ANKRD17: variants seen among roughly 807,000 people sequenced by gnomAD.
The protein encoded by ANKRD17 is ankyrin repeat domain 17, also known as ankyrin repeat domain-containing protein 17.
A neutral mutation model predicts 229.7 loss-of-function variants in ANKRD17; 19 were observed. That is an observed-to-expected ratio of 0.08 (90% confidence interval 0.06 to 0.12). The LOEUF (loss-of-function observed/expected upper bound fraction) is 0.12, where lower values mean the gene tolerates loss of function less well. ANKRD17 is among the 10% of genes least tolerant of loss of function. ANKRD17 has a pLI of 1.00. For missense variants in ANKRD17, 2,176 were observed against 3,176.8 expected (o/e 0.68, Z 7.57); for synonymous variants, 1,112 against 1,146.1 (o/e 0.97, Z 0.60).
intron 32 of ANKRD17, 82 bp downstream of exon 32, chr4:73,077,273 G>A: frequency 7.2e-7 from 1 of 1,390,464 alleles, no homozygotes; most frequent in Non-Finnish European, 9.6e-7. Flanking sequence ...TTTAACATTA[G>A]ATTATACATA....
At chr4:73,134,185 A>T (rs1445941820) in intron 16 of ANKRD17, among the ~76,000 whole-genome samples, 1 of 152,188 alleles carries the variant, frequency 6.6e-6, no homozygotes, top group Admixed American at 6.5e-5. Flanking sequence ...TATTTTTAAT[A>T]GGTTAAGAGT....
At chr4:73,124,837 GA>G in intron 18 of ANKRD17, 75 bp downstream of exon 18, 1 of 1,526,974 alleles carries the variant, frequency 6.5e-7, no homozygotes, top group Non-Finnish European at 8.9e-7. Context: ...TGTTCTGATA[GA>G]AAAAATAATA....
chr4:73,154,028 G>A lies in ANKRD17; in HGVS notation c.1086C>T (p.Asp362=), dbSNP rs199528687. Residue 362 remains aspartate, a synonymous_variant, in exon 6 of 34, where the codon GAC becomes GAT. Transcript: ENST00000358602. ...VLLESGASIE[D]HNENGHTPLM... ...GAGGGGTATGACCATTTTCATTATG[G>A]TCCTCAATACTAGCACCGGATTCCA... 8 of 1,612,810 alleles carry A rather than the reference G, an allele frequency of 5.0e-6. No homozygotes were observed. The highest frequency in any genetic ancestry group is 6.8e-6 in the Non-Finnish European group (8 of 1,179,526).
At chr4:73,082,527 G>C (rs1375162773) in intron 30 of ANKRD17, among the ~76,000 whole-genome samples, 2 of 152,046 alleles carry the variant, frequency 1.3e-5, no homozygotes, top group Non-Finnish European at 2.9e-5. Flanking sequence ...AGAACAAAAA[G>C]TGCTTCTACA....
Position 73,076,121 on chromosome 4 carries a change from C to A in ANKRD17, c.*110G>T. 1 of 880,282 alleles carries A rather than the reference C, an allele frequency of 1.1e-6. No individual in the cohort carries two copies. Among genetic ancestry groups the A allele is most frequent in the Non-Finnish European group, 1.7e-6 (1 of 604,034 alleles). The allele number at this position is 880,282 out of a possible 1,614,324, so 54.5% of individuals were successfully genotyped here. A position where few individuals can be genotyped will look rare whatever the true frequency, so the allele number is the denominator to read the frequency against. ...AGATCTTCTGCAAAAAGCCTACACACTTCAGTCAAGCACATCAGTAGAATG... is the reference window on the plus strand; with the variant it reads ...AGATCTTCTGCAAAAAGCCTACACAATTCAGTCAAGCACATCAGTAGAATG... On this transcript the variant is annotated 3_prime_UTR_variant, in exon 34 of 34. Coordinates refer to ENST00000358602, the MANE Select transcript of ANKRD17 (RefSeq NM_032217.5).
intron 2 of ANKRD17, chr4:73,168,922 T>A (rs1219298956): frequency 6.6e-6 from 1 of 152,174 alleles, no homozygotes; most frequent in African/African-American, 2.4e-5. Context: ...AACTTTTCAA[T>A]CCTCACCTTC....
intron 1 of ANKRD17, 137 bp from the exon 2 acceptor site, chr4:73,177,670 TA>T (rs34860063): frequency 3.3e-6 from 2 of 613,672 alleles, no homozygotes; most frequent in Non-Finnish European, 2.7e-6. Context: ...AGTGCAACCC[TA>T]AAAAGTTCAA....
chr4:73,127,272 C>G (rs986287790), intron 16 of ANKRD17, among the ~76,000 whole-genome samples: 1 of 151,996 alleles, frequency 6.6e-6, no homozygotes. Context: ...GTCTAACATG[C>G]CCAAGTTTTG....
At chr4:73,237,862 T>C (rs1164228244) in intron 1 of ANKRD17, among the ~76,000 whole-genome samples, 1 of 152,170 alleles carries the variant, frequency 6.6e-6, no homozygotes, top group African/African-American at 2.4e-5. Flanking sequence ...TTTAAGAACA[T>C]ATTCTACATA....
intron 15 of ANKRD17, 45 bp downstream of exon 15, chr4:73,139,486 T>G: frequency 1.3e-6 from 2 of 1,551,054 alleles, no homozygotes; most frequent in East Asian, 4.5e-5. Context: ...TTACTCGCCT[T>G]AAGCAAATCA....
At chr4:73,245,284 A>C (rs375878093) in intron 1 of ANKRD17, among the ~76,000 whole-genome samples, 15 of 152,344 alleles carry the variant, frequency 9.8e-5, no homozygotes, top group East Asian at 3.9e-4. Context: ...TCAATTATTC[A>C]GTCAAATGCT....
In ANKRD17 at chr4:73,090,840, G is replaced by A. The variant is rs1722725003; in HGVS notation, c.6788C>T (p.Thr2263Ile). ...TCCTCCCCAGAAGGCATGAGCAGAAGTAGGGCTGTTTTCAAACAATGTGCT... is the reference window on the plus strand; with the variant it reads ...TCCTCCCCAGAAGGCATGAGCAGAAATAGGGCTGTTTTCAAACAATGTGCT... ...PFSTLFENSPTSAHAFWGGSV... is the reference protein window; with the variant it reads ...PFSTLFENSPISAHAFWGGSV... Residue 2263 changes from threonine to isoleucine, a missense_variant, in exon 29 of 34, where the codon ACT becomes ATT. By Grantham distance (89) the Thr-to-Ile change is moderately conservative. Around this residue, in one of 18 missense-constraint regions of ANKRD17, gnomAD observed 424 missense variants for 454.0 expected, o/e 0.93. Transcript: ENST00000358602. 8 of 1,614,246 alleles carry A rather than the reference G, an allele frequency of 5.0e-6. No individual in the cohort carries two copies. Among genetic ancestry groups the A allele is most frequent in the Non-Finnish European group, 6.8e-6 (8 of 1,180,054 alleles).
At chr4:73,097,432 GC>G (rs1723430554) in intron 26 of ANKRD17, among the ~76,000 whole-genome samples, 160 bp from the exon 27 acceptor site, 1 of 139,270 alleles carries the variant, frequency 7.2e-6, no homozygotes, top group South Asian at 2.2e-4. Flanking sequence ...AATATAGAGA[GC>G]CTTTTTTTTT....
intron 14 of ANKRD17, 121 bp downstream of exon 14, chr4:73,141,620 G>A: frequency 2.3e-6 from 2 of 853,320 alleles, no homozygotes; most frequent in Non-Finnish European, 3.7e-6. Flanking sequence ...TTTTATCATG[G>A]GTTAAAAATT....
rs372015794 is a variant in ANKRD17 at position 73,097,984 on chromosome 4, T to C, written c.5021+89A>G. 180 of 1,263,792 alleles carry C rather than the reference T, an allele frequency of 1.4e-4. 1 individual carries two copies. The African/African-American group carries it at 2.4e-3, about 17-fold the overall frequency. 78.3% of individuals were successfully genotyped at this position (1,263,792 alleles called of 1,614,324 possible). On this transcript the variant is annotated intron_variant, in intron 26 of 33. Coordinates refer to ENST00000358602, the MANE Select transcript of ANKRD17 (RefSeq NM_032217.5). The stretch of plus-strand genomic sequence containing the variant: ...ACAAAGAAAAATCCTATTTTGCAAG[T>C]TGCAAATTTACTTTCTTTACCAACA...
chr4:73,115,983 C>A (rs1725891490), intron 22 of ANKRD17, 67 bp from the exon 23 acceptor site: 1 of 1,323,490 alleles, frequency 7.6e-7, no homozygotes, highest in Admixed American at 1.7e-5. Context: ...TATGCCTGAA[C>A]TAACTTTAAC....
At chr4:73,190,745 G>C (rs2149061692) in intron 1 of ANKRD17, among the ~76,000 whole-genome samples, 1 of 151,584 alleles carries the variant, frequency 6.6e-6, no homozygotes, top group East Asian at 1.9e-4. Flanking sequence ...CTACATACCA[G>C]CAATAACCCA....
At chr4:73,127,856 C>T (rs1727683658) in intron 16 of ANKRD17, among the ~76,000 whole-genome samples, 1 of 151,960 alleles carries the variant, frequency 6.6e-6, no homozygotes, top group African/African-American at 2.4e-5. Context: ...CTCTACAGAC[C>T]AAATTCCATT....
At chr4:73,104,371 G>A (rs979925011) in intron 24 of ANKRD17, among the ~76,000 whole-genome samples, 2 of 152,160 alleles carry the variant, frequency 1.3e-5, no homozygotes, top group African/African-American at 4.8e-5. Context: ...TTTTCTCCAC[G>A]TGGACCCCAG....
Sources: gnomAD v4.1 joint callset for allele counts (sites outside exome capture counted in the v4.1 genomes callset) on GRCh38, gnomAD v4.1.1 for gene constraint, gnomAD v4.1.1 regional missense constraint, MANE v1.5 for transcripts, NCBI Gene and HGNC (gene_info 2026-07-23, HGNC 2026-07-21) for gene names.